Variants in WDHD1 observed in about 807,000 individuals in gnomAD.
The protein encoded by WDHD1 is WD repeat and HMG-box DNA-binding protein 1.
WDHD1 carries 111 observed loss-of-function variants against 135.4 expected under a neutral mutation model. The ratio of observed to expected loss-of-function variants is 0.82; its 90% CI spans 0.70 to 0.96. The LOEUF (loss-of-function observed/expected upper bound fraction) is 0.96. WDHD1 is among the 40% of genes least tolerant of loss of function. The pLI, the probability that WDHD1 is intolerant of heterozygous loss-of-function variation, is 0.00. For missense variants in WDHD1, 1,351 were observed against 1,336.3 expected, an observed-to-expected ratio of 1.01 and a Z score of -0.17; for synonymous variants, 434 against 439.0, an observed-to-expected ratio of 0.99 and a Z score of 0.14.
intron 13 of WDHD1, among the ~76,000 whole-genome samples, chr14:54,987,793 A>G (rs867316710): frequency 1.3e-5 from 2 of 151,986 alleles, no homozygotes; most frequent in African/African-American, 4.8e-5. Flanking sequence ...CACCTGGTTA[A>G]TTTTTGCATT....
chr14:54,944,936 G>A (rs112011978), intron 24 of WDHD1, among the ~76,000 whole-genome samples: 1 of 152,118 alleles, frequency 6.6e-6, no homozygotes, highest in Non-Finnish European at 1.5e-5. Flanking sequence ...CCTGGAGACT[G>A]CAGGATCAAT....
intron 12 of WDHD1, 90 bp downstream of exon 12, chr14:54,991,123 T>A (rs2140202311): frequency 1.4e-6 from 1 of 691,080 alleles, no homozygotes; most frequent in Non-Finnish European, 2.4e-6. Flanking sequence ...TCAAAGTTTT[T>A]AAAAATATGT....
intron 11 of WDHD1, among the ~76,000 whole-genome samples, chr14:54,993,204 A>G (rs1466368422): frequency 1.3e-5 from 2 of 151,986 alleles, no homozygotes; most frequent in Non-Finnish European, 2.9e-5. Context: ...TGCAGCCTCG[A>G]CCTCTCGGGC....
chr14:55,000,701 T>A, intron 9 of WDHD1, 57 bp from the exon 10 acceptor site: 10 of 1,359,916 alleles, frequency 7.4e-6, no homozygotes, highest in Non-Finnish European at 9.6e-6. Flanking sequence ...AAATTGTACA[T>A]TTCTTTAGGT....
chr14:55,017,331 G>A (rs1303828028), intron 2 of WDHD1, among the ~76,000 whole-genome samples: 1 of 151,886 alleles, frequency 6.6e-6, no homozygotes, highest in Non-Finnish European at 1.5e-5. Flanking sequence ...AGTGCTGTAG[G>A]AAAAATCAAT....
chr14:54,967,210 AT>A, intron 17 of WDHD1, 69 bp downstream of exon 17: 3 of 1,226,246 alleles, frequency 2.4e-6, no homozygotes, highest in Non-Finnish European at 2.4e-6. Flanking sequence ...CATCAGGATA[AT>A]TTTAAAGTGT....
intron 7 of WDHD1, 59 bp downstream of exon 7, chr14:55,007,220 TC>T: frequency 2.4e-6 from 3 of 1,274,628 alleles, no homozygotes; most frequent in Non-Finnish European, 2.1e-6. Flanking sequence ...AGAGTGAGAC[TC>T]CATCTCTAAT....
intron 2 of WDHD1, among the ~76,000 whole-genome samples, chr14:55,025,407 T>C (rs1487814219): frequency 6.9e-6 from 1 of 145,702 alleles, no homozygotes; most frequent in Non-Finnish European, 1.5e-5. Flanking sequence ...CTTATTTCTT[T>C]CTCTATACTT....
In WDHD1 at chr14:54,972,277, C is replaced by CA. The variant is rs1201910146; in HGVS notation, c.2064-4884dup. On this transcript the variant is annotated intron_variant, in intron 16 of 25. Coordinates refer to ENST00000360586, the MANE Select transcript of WDHD1 (RefSeq NM_007086.4). ...GAGACAGAGTGAGACTCGGTCTCACCAAAAAAAAAAAAAAAAGTTGGCCAG... is the reference window on the plus strand; with the variant it reads ...GAGACAGAGTGAGACTCGGTCTCACCAAAAAAAAAAAAAAAAAGTTGGCCAG... 4.2e-3 allele frequency among the ~76,000 whole-genome samples: 473 copies of CA among 113,152 alleles called. 3 individuals are homozygous for CA. Among genetic ancestry groups the CA allele is most frequent in the African/African-American group, 0.011 (388 of 35,238 alleles). The allele number at this position is 113,152 out of a possible 152,430, so 74.2% of individuals were successfully genotyped here. A position where few individuals can be genotyped will look rare whatever the true frequency, so the allele number is the denominator to read the frequency against.
At chr14:54,982,093 G>A (rs932045469) in intron 15 of WDHD1, among the ~76,000 whole-genome samples, 4 of 151,740 alleles carry the variant, frequency 2.6e-5, no homozygotes, top group East Asian at 1.9e-4. Flanking sequence ...TGCAAGCTCC[G>A]CCTTCCAGGT....
intron 2 of WDHD1, among the ~76,000 whole-genome samples, chr14:55,013,935 T>C (rs945874711): frequency 8.5e-5 from 13 of 152,136 alleles, no homozygotes; most frequent in Non-Finnish European, 1.5e-4. Flanking sequence ...CCTAGTTTCA[T>C]ATACATTAGT....
In WDHD1 at chr14:54,995,721, C is replaced by T; in HGVS notation, c.1035G>A (p.Glu345=). 2 of 1,613,602 alleles carry T rather than the reference C, an allele frequency of 1.2e-6. No individual in the cohort carries two copies. The highest frequency in any genetic ancestry group is 1.7e-6 in the Non-Finnish European group (2 of 1,179,760). ...TAATCCCTTTTGAAAAAGAAGGGAT[C>T]TCAACTGCATTGTCATTTAGAAAAT... ...AGDFLNDNAV[E]IPSFSKGIIN... The change falls in exon 11 of 26, where the codon GAG becomes GAA. Residue 345 remains glutamate, a synonymous_variant. Transcript: ENST00000360586.
intron 18 of WDHD1, among the ~76,000 whole-genome samples, chr14:54,963,733 G>C (rs1012134644): frequency 1.3e-5 from 2 of 150,946 alleles, no homozygotes; most frequent in Middle Eastern, 3.2e-3. Flanking sequence ...CCGGGAGGTG[G>C]AGGTTGCAGT....
chr14:55,009,967 C>A lies in WDHD1; in HGVS notation c.341+342G>T, dbSNP rs183361085. Among the ~76,000 whole-genome samples the A allele has an allele frequency of 5.4e-3, 813 of 150,162 alleles. 10 individuals are homozygous for A. The highest frequency in any genetic ancestry group is 0.019 in the African/African-American group (768 of 40,918). On this transcript the variant is annotated intron_variant, in intron 4 of 25. Coordinates refer to ENST00000360586, the MANE Select transcript of WDHD1 (RefSeq NM_007086.4). Reference sequence around the variant, plus strand: ...TCCCGAGTAGCTGGGATTACAGGCACCCGCCACCACACCCAGCTAATTTTT... The same window carrying A: ...TCCCGAGTAGCTGGGATTACAGGCAACCGCCACCACACCCAGCTAATTTTT...
chr14:55,009,435 T>A (rs1326184425), intron 4 of WDHD1, among the ~76,000 whole-genome samples: 1 of 145,326 alleles, frequency 6.9e-6, no homozygotes, highest in Non-Finnish European at 1.5e-5. Context: ...GTAAAATAAT[T>A]TTTTTTTTTT....
chr14:54,970,389 A>T (rs1327993312), intron 16 of WDHD1, among the ~76,000 whole-genome samples: 3 of 152,190 alleles, frequency 2.0e-5, no homozygotes, highest in Non-Finnish European at 4.4e-5. Flanking sequence ...GAGTCAAATC[A>T]AGTATGCAAT....
intron 2 of WDHD1, among the ~76,000 whole-genome samples, chr14:55,021,074 A>G (rs374427903): frequency 2.0e-5 from 3 of 152,164 alleles, no homozygotes; most frequent in African/African-American, 7.2e-5. Context: ...AGAGGCAGGC[A>G]TACTTGGTGT....
At chr14:54,957,279 G>A (rs2041176281) in intron 22 of WDHD1, 75 bp from the exon 23 acceptor site, 2 of 1,481,616 alleles carry the variant, frequency 1.3e-6, no homozygotes, top group East Asian at 4.6e-5. Flanking sequence ...ATTTTTTCTT[G>A]AAATTTCTGT....
intron 11 of WDHD1, among the ~76,000 whole-genome samples, chr14:54,993,452 A>G (rs537615608): frequency 6.6e-6 from 1 of 152,318 alleles, no homozygotes; most frequent in South Asian, 2.1e-4. Flanking sequence ...CAGAGCCGTA[A>G]GAGTTCACTG....
Sources: allele counts gnomAD v4.1 joint callset (sites outside exome capture counted in the v4.1 genomes callset), GRCh38; gene constraint gnomAD v4.1.1; transcripts MANE v1.5; gene names NCBI Gene and HGNC (gene_info 2026-07-23, HGNC 2026-07-21).